The following COP1 variants were observed in gnomAD, a reference collection of about 807,000 sequenced individuals.
The protein encoded by COP1 is E3 ubiquitin-protein ligase COP1.
COP1 carries 24 observed loss-of-function variants against 101.3 expected under a neutral mutation model. The observed-to-expected ratio is 0.24, with a 90% CI of 0.17 to 0.33. The LOEUF is 0.33. Ranked by LOEUF, COP1 falls within the 10% of genes least tolerant of loss-of-function variation. The pLI is 1.00. For synonymous variants in COP1, 347 were observed against 341.9 expected, an observed-to-expected ratio of 1.01 and a Z score of -0.17; for missense variants, 663 against 906.2, an observed-to-expected ratio of 0.73 and a Z score of 3.45.
Position 176,206,606 on chromosome 1 carries a change from T to G in COP1, c.373A>C (p.Asn125His). ...LLAPLCNGLI[N>H]SYEDKSNDFV... ...TCGTTGCTTTTGTCCTCGTAGGAGTTGATGAGCCCGTTGCAGAGGGGGGCG... is the reference window on the plus strand; with the variant it reads ...TCGTTGCTTTTGTCCTCGTAGGAGTGGATGAGCCCGTTGCAGAGGGGGGCG... The change falls in exon 1 of 20, where the codon AAC (asparagine) becomes CAC (histidine). Residue 125 changes from asparagine (N) to histidine (H), a missense_variant. Asn to His is a moderately conservative substitution (Grantham distance 68). Around this residue, in one of 4 missense-constraint regions of COP1, gnomAD observed 204 missense variants for 203.6 expected, o/e 1.00. Transcript: ENST00000367669. 1 of 1,611,930 alleles carries G rather than the reference T, an allele frequency of 6.2e-7. No individual in the cohort carries two copies. Among genetic ancestry groups the G allele is most frequent in the Non-Finnish European group, 8.5e-7 (1 of 1,179,950 alleles).
chr1:176,064,971 G>A (rs1049314254), intron 11 of COP1, among the ~76,000 whole-genome samples: 3 of 152,026 alleles, frequency 2.0e-5, no homozygotes, highest in Non-Finnish European at 4.4e-5. Context: ...TGCTGTTGCC[G>A]TTTAACCTAC....
At chr1:176,116,755 T>A (rs968655182) in intron 8 of COP1, 74 bp from the exon 9 acceptor site, 2 of 1,021,026 alleles carry the variant, frequency 2.0e-6, no homozygotes, top group Non-Finnish European at 3.0e-6. Flanking sequence ...AAATCTAAAG[T>A]ATATCATATA....
intron 1 of COP1, among the ~76,000 whole-genome samples, chr1:176,202,854 TA>T (rs150285286): frequency 0.033 from 4,959 of 152,086 alleles, 116 homozygotes; most frequent in Non-Finnish European, 0.047. Flanking sequence ...GTCATGACAC[TA>T]AGAGAGGCAA....
chr1:175,953,204 T>C lies in COP1; in HGVS notation c.2134-5965A>G, dbSNP rs551772745. Among the ~76,000 whole-genome samples the C allele has an allele frequency of 3.3e-5, 5 of 151,712 alleles. No individual in the cohort carries two copies. In the East Asian group the frequency reaches 9.7e-4, roughly 30 times the overall value. ...AGACTGTAAAAAGTTAAACATATTA[T>C]AAACTTTAGAGAAACCATTAAAAAA... On this transcript the variant is annotated intron_variant, in intron 18 of 19. Transcript: ENST00000367669.
At chr1:176,033,975 A>T (rs1190486924) in intron 14 of COP1, among the ~76,000 whole-genome samples, 1 of 152,258 alleles carries the variant, frequency 6.6e-6, no homozygotes, top group Non-Finnish European at 1.5e-5. Context: ...ACATTTAAGT[A>T]ACACTAAATA....
chr1:176,067,868 C>T (rs184610559), intron 11 of COP1, among the ~76,000 whole-genome samples: 47 of 152,332 alleles, frequency 3.1e-4, no homozygotes, highest in Non-Finnish European at 5.1e-4. Flanking sequence ...CCAGACACTG[C>T]TGTGGGGTCA....
chr1:176,015,900 A>G (rs185131909), intron 15 of COP1, among the ~76,000 whole-genome samples: 6 of 152,306 alleles, frequency 3.9e-5, no homozygotes, highest in African/African-American at 1.4e-4. Flanking sequence ...GAGCCAGAAA[A>G]AGGAAAATTC....
intron 18 of COP1, among the ~76,000 whole-genome samples, chr1:175,971,132 TG>T (rs1310227305): frequency 6.6e-6 from 1 of 152,244 alleles, no homozygotes; most frequent in Non-Finnish European, 1.5e-5. Flanking sequence ...ATAATGATTC[TG>T]GGGTTTTAGA....
At chr1:176,076,204 T>C (rs758040931) in intron 11 of COP1, among the ~76,000 whole-genome samples, 2 of 152,038 alleles carry the variant, frequency 1.3e-5, no homozygotes, top group African/African-American at 2.4e-5. Flanking sequence ...TGTTTTAAGA[T>C]AGACCACATG....
At chr1:176,039,105 C>T (rs1054114489) in intron 14 of COP1, among the ~76,000 whole-genome samples, 1 of 152,018 alleles carries the variant, frequency 6.6e-6, no homozygotes, top group Non-Finnish European at 1.5e-5. Flanking sequence ...TGTTAATTTA[C>T]GAGACTGGAG....
chr1:176,007,123 C>A (rs1273116128), intron 15 of COP1, among the ~76,000 whole-genome samples: 1 of 152,168 alleles, frequency 6.6e-6, no homozygotes, highest in Admixed American at 6.6e-5. Context: ...CCCTTTCTTC[C>A]AGTTGATCGC....
intron 9 of COP1, among the ~76,000 whole-genome samples, chr1:176,104,472 GAAGAA>G (rs756309028): frequency 2.6e-5 from 4 of 152,090 alleles, no homozygotes; most frequent in South Asian, 2.1e-4. Context: ...GCACCTAATA[GAAGAA>G]AAGGGTCTGT....
At chr1:176,004,897 C>G (rs1361206823) in intron 15 of COP1, among the ~76,000 whole-genome samples, 2 of 151,620 alleles carry the variant, frequency 1.3e-5, no homozygotes, top group African/African-American at 4.8e-5. Context: ...CCCTCTTTTT[C>G]TATTGATTGG....
At position 175,953,777 on chromosome 1, in the gene COP1, A is replaced by C. The variant is rs12063772; in HGVS notation, c.2134-6538T>G. ...AGGGTCAACTTATAAAAAAAAAAAA[A>C]AACTCCTATATACATATATATCTAA... is the stretch of plus-strand genomic sequence containing the variant. On this transcript the variant is annotated intron_variant, in intron 18 of 19. Transcript: ENST00000367669. 2.9e-3 allele frequency among the ~76,000 whole-genome samples: 437 copies of C among 152,064 alleles called. 1 individual carries two copies. Among genetic ancestry groups the C allele is most frequent in the African/African-American group, 8.0e-3 (332 of 41,542 alleles).
intron 8 of COP1, among the ~76,000 whole-genome samples, chr1:176,120,617 T>G (rs772764236): frequency 1.3e-4 from 20 of 152,180 alleles, no homozygotes; most frequent in African/African-American, 3.1e-4. Flanking sequence ...AGCTGTTAAT[T>G]TGAGGTATCA....
At position 176,008,047 on chromosome 1, in the gene COP1, T is replaced by C. The variant is rs566142017; in HGVS notation, c.1730-18568A>G. Among the ~76,000 whole-genome samples the C allele has an allele frequency of 4.4e-3, 664 of 152,154 alleles. 5 individuals carry two copies. The highest frequency in any genetic ancestry group is 6.7e-3 in the Non-Finnish European group (456 of 67,976). ...CCAGGTGCGGGATATAATCTCGTGGTGCGCCGTTTTTTAAGCCGGTCGGAA... is the reference window on the plus strand; with the variant it reads ...CCAGGTGCGGGATATAATCTCGTGGCGCGCCGTTTTTTAAGCCGGTCGGAA... On this transcript the variant is annotated intron_variant, in intron 15 of 19. Transcript: ENST00000367669.
At chr1:175,996,856 T>G (rs1398814210) in intron 15 of COP1, among the ~76,000 whole-genome samples, 1 of 152,090 alleles carries the variant, frequency 6.6e-6, no homozygotes, top group Non-Finnish European at 1.5e-5. Context: ...GCCATCCCCA[T>G]CAAGCTACCA....
chr1:175,967,934 C>T (rs920259959), intron 18 of COP1, among the ~76,000 whole-genome samples: 4 of 152,080 alleles, frequency 2.6e-5, no homozygotes, highest in African/African-American at 7.2e-5. Flanking sequence ...ATGGCACAAT[C>T]GCAGCTCACT....
intron 15 of COP1, among the ~76,000 whole-genome samples, chr1:175,993,602 A>G (rs1415532597): frequency 6.6e-6 from 1 of 152,236 alleles, no homozygotes; most frequent in Admixed American, 6.5e-5. Flanking sequence ...AGAATGCAGA[A>G]CCCTCAGGAG....
Sources: allele counts gnomAD v4.1 joint callset (sites outside exome capture counted in the v4.1 genomes callset), GRCh38; gene constraint gnomAD v4.1.1; regional missense constraint gnomAD v4.1.1; transcripts MANE v1.5; gene names NCBI Gene and HGNC (gene_info 2026-07-23, HGNC 2026-07-21).